Variants in PJA2 observed in about 807,000 individuals in gnomAD.
PJA2 encodes E3 ubiquitin-protein ligase Praja-2.
PJA2 carries 25 observed loss-of-function variants against 69.3 expected under a neutral mutation model. That is an observed-to-expected ratio of 0.36 (90% CI 0.26 to 0.50). The LOEUF (loss-of-function observed/expected upper bound fraction) is 0.50. PJA2 is among the 20% of genes least tolerant of loss of function. PJA2 has a pLI of 0.96. For missense variants in PJA2, 809 were observed against 830.2 expected, an observed-to-expected ratio of 0.97 and a Z score of 0.31; for synonymous variants, 308 against 277.8, an observed-to-expected ratio of 1.11 and a Z score of -1.08.
chr5:109,366,005 C>G (rs1253655131), intron 5 of PJA2, among the ~76,000 whole-genome samples: 1 of 152,130 alleles, frequency 6.6e-6, no homozygotes, highest in Non-Finnish European at 1.5e-5. Flanking sequence ...TGAAAATGTA[C>G]TAATTTATTC....
intron 1 of PJA2, among the ~76,000 whole-genome samples, chr5:109,405,910 A>G (rs1012267283): frequency 6.9e-6 from 1 of 144,772 alleles, no homozygotes; most frequent in Non-Finnish European, 1.5e-5. Context: ...CTCTTCTTTT[A>G]AAGTTAGGAA....
chr5:109,344,715 T>G lies in PJA2; in HGVS notation c.1869A>C (p.Glu623Asp), dbSNP rs759309745. Reference protein sequence around the residue: ...IDGLPETLVLEDHTAIGQEQC... With the variant: ...IDGLPETLVLDDHTAIGQEQC... ...CAACTTTGCCCTTACCAGTGTGATC[T>G]TCAAGAACAAGGGTCTCTGGAAGAC... Residue 623 changes from glutamate to aspartate, a missense_variant, in exon 8 of 10, where the codon GAA (glutamate) becomes GAC (aspartate). By Grantham distance (45) the Glu-to-Asp change is conservative. Transcript: ENST00000361189. 6 of 1,612,192 alleles carry G rather than the reference T, an allele frequency of 3.7e-6. No homozygotes were observed. Among genetic ancestry groups the G allele is most frequent in the Non-Finnish European group, 5.1e-6 (6 of 1,178,790 alleles).
chr5:109,393,709 A>C (rs1443096042), intron 1 of PJA2, among the ~76,000 whole-genome samples: 2 of 152,246 alleles, frequency 1.3e-5, no homozygotes, highest in African/African-American at 2.4e-5. Flanking sequence ...AACAACCCAA[A>C]TGTTCAACAG....
chr5:109,385,005 C>G (rs183996258), intron 1 of PJA2, among the ~76,000 whole-genome samples: 95 of 152,198 alleles, frequency 6.2e-4, no homozygotes, highest in African/African-American at 1.9e-3. Flanking sequence ...TTAGTAGAGA[C>G]AGGGTTTCAC....
chr5:109,367,232 C>T (rs1231364767), intron 5 of PJA2, among the ~76,000 whole-genome samples: 1 of 149,236 alleles, frequency 6.7e-6, no homozygotes, highest in East Asian at 1.9e-4. Context: ...CCTCAACCTA[C>T]CACTGTTGAA....
At chr5:109,348,849 G>A (rs1382254808) in intron 7 of PJA2, among the ~76,000 whole-genome samples, 1 of 152,158 alleles carries the variant, frequency 6.6e-6, no homozygotes, top group South Asian at 2.1e-4. Context: ...ACAAGGATTA[G>A]TAATTCTGCA....
At chr5:109,375,372 T>G (rs1746839131) in intron 4 of PJA2, among the ~76,000 whole-genome samples, 1 of 151,744 alleles carries the variant, frequency 6.6e-6, no homozygotes, top group Non-Finnish European at 1.5e-5. Context: ...TAGCTGGGCA[T>G]GATGGCATGC....
intron 4 of PJA2, among the ~76,000 whole-genome samples, chr5:109,372,078 C>G (rs1187271691): frequency 6.6e-6 from 1 of 152,120 alleles, no homozygotes; most frequent in African/African-American, 2.4e-5. Context: ...TTAGGATAAG[C>G]AATAGCCATT....
chr5:109,354,537 T>G (rs545131260), intron 7 of PJA2, among the ~76,000 whole-genome samples: 4 of 18,038 alleles, frequency 2.2e-4, no homozygotes, highest in East Asian at 2.1e-3. Context: ...CTATAATATC[T>G]ATAGATATCT....
rs536006117 is a variant in PJA2 at position 109,376,421 on chromosome 5, C to G, written c.1283+1783G>C. The stretch of plus-strand genomic sequence containing the variant: ...ATACACTTCCACCACTGACCACCCC[C>G]AAAACAAAGAAAATCAATTTAAAAT... On this transcript the variant is annotated intron_variant, in intron 4 of 9. Transcript: ENST00000361189. 1.1e-3 allele frequency among the ~76,000 whole-genome samples: 172 copies of G among 152,032 alleles called. 1 individual carries two copies. Among genetic ancestry groups the G allele is most frequent in the African/African-American group, 3.9e-3 (160 of 41,474 alleles).
chr5:109,378,302 T>C lies in PJA2; in HGVS notation c.1185A>G (p.Thr395=), dbSNP rs760584142. 6.2e-7 allele frequency: 1 copy of C among 1,614,158 alleles called. No homozygotes were observed. The highest frequency in any genetic ancestry group is 8.5e-7 in the Non-Finnish European group (1 of 1,179,980). The change falls in exon 4 of 10, where the codon ACA becomes ACG. Residue 395 remains threonine, a synonymous_variant. Coordinates refer to ENST00000361189, the MANE Select transcript of PJA2 (RefSeq NM_014819.5). ...TQRETENNQM[T]SESGATAGRQ... ...TTCCTGCTGTGGCTCCACTTTCTGATGTCATTTGGTTATTTTCTGTTTCCC... is the reference window on the plus strand; with the variant it reads ...TTCCTGCTGTGGCTCCACTTTCTGACGTCATTTGGTTATTTTCTGTTTCCC...
At chr5:109,366,539 T>TTA (rs1762587838) in intron 5 of PJA2, among the ~76,000 whole-genome samples, 1 of 152,252 alleles carries the variant, frequency 6.6e-6, no homozygotes, top group Non-Finnish European at 1.5e-5. Flanking sequence ...ACCACTTTAA[T>TTA]ATCTTCATCA....
intron 1 of PJA2, among the ~76,000 whole-genome samples, chr5:109,399,384 AAC>A (rs1050846220): frequency 6.6e-6 from 1 of 152,152 alleles, no homozygotes; most frequent in Non-Finnish European, 1.5e-5. Flanking sequence ...ATCAAGAAAC[AAC>A]AGTCTACTGC....
rs1488670703 is a variant in PJA2, at chr5:109,337,419, A to AT, written c.2002-64dup. On this transcript the variant is annotated intron_variant, in intron 9 of 9. Coordinates refer to ENST00000361189, the MANE Select transcript of PJA2 (RefSeq NM_014819.5). ...TCTTAACTGCCACACAAGTAACTTA[A>AT]TAAAGAAAAAACAGTGTCATTATCC... 2.0e-6 allele frequency: 3 copies of AT among 1,499,726 alleles called. No homozygotes were observed. The African/African-American group carries it at 4.3e-5, about 22-fold the overall frequency. The allele number at this position is 1,499,726 out of a possible 1,614,324, so 92.9% of individuals were successfully genotyped here.
chr5:109,405,626 A>C (rs1196374815), intron 1 of PJA2, among the ~76,000 whole-genome samples: 1 of 152,236 alleles, frequency 6.6e-6, no homozygotes, highest in Non-Finnish European at 1.5e-5. Flanking sequence ...TGACAAAGTT[A>C]ATTCAATGGG....
chr5:109,395,998 C>A (rs1747398918), intron 1 of PJA2, among the ~76,000 whole-genome samples: 1 of 104,316 alleles, frequency 9.6e-6, no homozygotes. Flanking sequence ...GAAACTCTAT[C>A]TCAAAAAAAA....
chr5:109,365,099 T>C (rs1237338192), intron 5 of PJA2, among the ~76,000 whole-genome samples: 1 of 152,256 alleles, frequency 6.6e-6, no homozygotes, highest in African/African-American at 2.4e-5. Flanking sequence ...ATTAGGTTTA[T>C]GCACACTCAC....
chr5:109,337,206 C>A lies in PJA2; in HGVS notation c.*25G>T. 1 of 1,609,364 alleles carries A rather than the reference C, an allele frequency of 6.2e-7. No individual in the cohort carries two copies. The highest frequency in any genetic ancestry group is 8.5e-7 in the Non-Finnish European group (1 of 1,178,292). On this transcript the variant is annotated 3_prime_UTR_variant, in exon 10 of 10. Coordinates refer to ENST00000361189, the MANE Select transcript of PJA2 (RefSeq NM_014819.5). ...GAATTTGCAGATTTACTTTGATACA[C>A]TGATCTCATTTCAACTGTCAAGGTT...
chr5:109,376,105 G>C (rs992296126), intron 4 of PJA2, among the ~76,000 whole-genome samples: 9 of 152,064 alleles, frequency 5.9e-5, no homozygotes, highest in Non-Finnish European at 7.4e-5. Context: ...AAACTTTTAA[G>C]CATTTCAATG....
Sources: gnomAD v4.1 joint callset for allele counts (sites outside exome capture counted in the v4.1 genomes callset) on GRCh38, gnomAD v4.1.1 for gene constraint, MANE v1.5 for transcripts, NCBI Gene and HGNC (gene_info 2026-07-23, HGNC 2026-07-21) for gene names.